The following ATP9B variants were observed in gnomAD, a reference collection of about 807,000 sequenced individuals.
ATP9B encodes probable phospholipid-transporting ATPase IIB.
Under a neutral mutation model 146.1 loss-of-function variants are expected in ATP9B, and 110 were observed. The observed-to-expected ratio is 0.75, with a 90% CI of 0.65 to 0.88. The LOEUF (loss-of-function observed/expected upper bound fraction) is 0.88. Ranked by LOEUF, ATP9B falls within the 40% of genes least tolerant of loss-of-function variation. The pLI is 0.00. For missense variants in ATP9B, 1,499 were observed against 1,496.4 expected, an observed-to-expected ratio of 1.00 and a Z score of -0.03; for synonymous variants, 604 against 569.7, an observed-to-expected ratio of 1.06 and a Z score of -0.86.
Position 79,374,014 on chromosome 18 carries a change from C to T in ATP9B, c.3187C>T (p.Arg1063Cys), listed in dbSNP as rs750255904. The change falls in exon 28 of 30, where the codon CGC (arginine) becomes TGC (cysteine). Residue 1063 changes from arginine (R) to cysteine (C), a missense_variant. By Grantham distance (180) the Arg-to-Cys change is radical. Transcript: ENST00000426216. ...GCTGCTGATGGTGGCGCTGACCGTCCGCACGTGGCACTGGCTGATGGTGGT... is the reference window on the plus strand; with the variant it reads ...GCTGCTGATGGTGGCGCTGACCGTCTGCACGTGGCACTGGCTGATGGTGGT... ...TELLMVALTVRTWHWLMVVAE... is the reference protein window; with the variant it reads ...TELLMVALTVCTWHWLMVVAE... 13 of 1,614,066 alleles carry T rather than the reference C, an allele frequency of 8.1e-6. No individual in the cohort carries two copies. Among genetic ancestry groups the T allele is most frequent in the South Asian group, 2.2e-5 (2 of 91,080 alleles).
intron 29 of ATP9B, 120 bp from the exon 30 acceptor site, chr18:79,377,127 A>T: frequency 1.7e-6 from 2 of 1,189,916 alleles, no homozygotes; most frequent in Non-Finnish European, 2.4e-6. Flanking sequence ...GTAAATGCAC[A>T]GTGATGTTTC....
intron 7 of ATP9B, among the ~76,000 whole-genome samples, chr18:79,168,439 T>G (rs1236216025): frequency 2.6e-5 from 4 of 151,748 alleles, no homozygotes; most frequent in African/African-American, 9.7e-5. Flanking sequence ...CAACTCTTGG[T>G]TGAAGTGCTG....
At chr18:79,361,911 A>C in intron 26 of ATP9B, 1 of 567,882 alleles carries the variant, frequency 1.8e-6, no homozygotes, top group Non-Finnish European at 2.2e-6. Flanking sequence ...CCCTGCTCTC[A>C]ACAAGTCTGT....
chr18:79,088,804 T>A (rs1456594269), intron 1 of ATP9B, among the ~76,000 whole-genome samples: 2 of 152,222 alleles, frequency 1.3e-5, no homozygotes, highest in Non-Finnish European at 2.9e-5. Context: ...AGCACAGTGA[T>A]GGTTATCTTT....
At chr18:79,087,963 A>G (rs980278017) in intron 1 of ATP9B, among the ~76,000 whole-genome samples, 6 of 152,226 alleles carry the variant, frequency 3.9e-5, no homozygotes, top group African/African-American at 1.2e-4. Context: ...TGACAAACCA[A>G]TTAAGTGTGT....
intron 11 of ATP9B, among the ~76,000 whole-genome samples, chr18:79,217,469 C>T (rs1388858543): frequency 1.3e-5 from 2 of 152,248 alleles, no homozygotes; most frequent in African/African-American, 4.8e-5. Flanking sequence ...CAGGCGTGAG[C>T]CACTGCGCCC....
intron 25 of ATP9B, among the ~76,000 whole-genome samples, chr18:79,359,058 G>A (rs573059739): frequency 1.3e-5 from 2 of 152,058 alleles, no homozygotes; most frequent in Admixed American, 1.3e-4. Context: ...ATAAGATCTC[G>A]GTGCTATTCC....
chr18:79,147,421 C>T (rs2094609666), intron 6 of ATP9B, among the ~76,000 whole-genome samples: 1 of 152,130 alleles, frequency 6.6e-6, no homozygotes, highest in Non-Finnish European at 1.5e-5. Flanking sequence ...GAACATTCAC[C>T]AAGATAAGCC....
At chr18:79,156,059 G>T (rs2094775596) in intron 7 of ATP9B, among the ~76,000 whole-genome samples, 1 of 152,082 alleles carries the variant, frequency 6.6e-6, no homozygotes, top group Non-Finnish European at 1.5e-5. Flanking sequence ...ACTGCACCCG[G>T]CCAAATGTTT....
chr18:79,338,577 G>A (rs940399555), intron 19 of ATP9B, among the ~76,000 whole-genome samples: 1 of 152,184 alleles, frequency 6.6e-6, no homozygotes, highest in African/African-American at 2.4e-5. Context: ...TAGGCATCCT[G>A]ACCATCCTTC....
chr18:79,306,907 A>G, intron 14 of ATP9B, 79 bp from the exon 15 acceptor site: 1 of 1,496,714 alleles, frequency 6.7e-7, no homozygotes, highest in Non-Finnish European at 9.1e-7. Flanking sequence ...TGTAAAAATC[A>G]TATATGTTAA....
intron 11 of ATP9B, among the ~76,000 whole-genome samples, chr18:79,245,985 G>A (rs139415766): frequency 2.5e-3 from 191 of 75,894 alleles, no homozygotes; most frequent in African/African-American, 3.7e-3. Flanking sequence ...GGAGGGCACC[G>A]CCCTACTGTC....
intron 10 of ATP9B, chr18:79,209,631 C>G: frequency 1.0e-6 from 1 of 985,150 alleles, no homozygotes; most frequent in Middle Eastern, 5.2e-4. Context: ...CCTGTCCATT[C>G]TGTTCTCTTT....
At chr18:79,157,405 A>AAAAAAAAAC (rs2094806101) in intron 7 of ATP9B, among the ~76,000 whole-genome samples, 1 of 124,598 alleles carries the variant, frequency 8.0e-6, no homozygotes, top group Non-Finnish European at 1.7e-5. Flanking sequence ...TCAAAAAAAA[A>AAAAAAAAAC]AAAAAAAAAA....
intron 1 of ATP9B, chr18:79,087,244 T>C (rs2073924281): frequency 6.6e-6 from 1 of 152,258 alleles, no homozygotes; most frequent in Admixed American, 6.5e-5. Flanking sequence ...GGAACTATTG[T>C]GAGCTAAATG....
chr18:79,174,072 AT>A, intron 7 of ATP9B: 1 of 294,338 alleles, frequency 3.4e-6, no homozygotes, highest in Admixed American at 4.9e-5. Flanking sequence ...AATCATCATC[AT>A]TTTTAAAAAT....
At chr18:79,119,013 G>C (rs2147101664) in intron 4 of ATP9B, among the ~76,000 whole-genome samples, 1 of 151,422 alleles carries the variant, frequency 6.6e-6, no homozygotes, top group East Asian at 2.0e-4. Context: ...AGAAATTGTT[G>C]TGAGCCATGA....
At chr18:79,327,537 G>GCGTGCTCTCCGTGGTTAA (rs2096757498) in intron 15 of ATP9B, among the ~76,000 whole-genome samples, 1 of 131,644 alleles carries the variant, frequency 7.6e-6, no homozygotes. Context: ...TCCGTGGTTA[G>GCGTGCTCTCCGTGGTTAA]CGTGCTCTCC....
At chr18:79,269,430 C>G (rs2145519747) in intron 12 of ATP9B, among the ~76,000 whole-genome samples, 1 of 152,232 alleles carries the variant, frequency 6.6e-6, no homozygotes, top group East Asian at 1.9e-4. Context: ...TCTAAAAATT[C>G]TGGTTGGTTT....
Sources: gnomAD v4.1 joint callset for allele counts (sites outside exome capture counted in the v4.1 genomes callset) on GRCh38, gnomAD v4.1.1 for gene constraint, MANE v1.5 for transcripts, NCBI Gene and HGNC (gene_info 2026-07-23, HGNC 2026-07-21) for gene names.